Variants in ADD3 observed in about 807,000 individuals in gnomAD.
The protein encoded by ADD3 is gamma-adducin.
A neutral mutation model predicts 80.2 loss-of-function variants in ADD3; 25 were observed. The observed-to-expected ratio is 0.31, with a 90% CI of 0.23 to 0.44. The LOEUF (loss-of-function observed/expected upper bound fraction) is 0.44, where lower values mean the gene tolerates loss of function less well. Among genes scored for constraint, ADD3 ranks in the 20% least tolerant of loss-of-function variants. The pLI is 1.00. For synonymous variants in ADD3, 284 were observed against 289.6 expected (o/e 0.98, Z 0.20); for missense variants, 829 against 847.5 (o/e 0.98, Z 0.27).
chr10:110,035,096 A>C (rs1032851455), intron 1 of ADD3, among the ~76,000 whole-genome samples: 7 of 152,252 alleles, frequency 4.6e-5, no homozygotes, highest in Non-Finnish European at 7.3e-5. Context: ...TAAAAATGGC[A>C]TGTTTAATGC....
In ADD3 at chr10:110,119,477, C is replaced by T. The variant is rs1851187187; in HGVS notation, c.873C>T (p.Leu291=). The T allele has an allele frequency of 1.9e-6, 3 of 1,614,108 alleles. No individual in the cohort carries two copies. The East Asian group carries it at 6.7e-5, about 36-fold the overall frequency. The change falls in exon 8 of 15, where the codon CTC becomes CTT. Residue 291 remains leucine, a synonymous_variant. Transcript: ENST00000356080. ...GCATTCTATTTTAGGTGCTGGTACT[C>T]AGGAATCATGGTGTGGTTGCACTTG... ...VLGPSCKVLV[L]RNHGVVALGE...
At chr10:110,034,974 C>T (rs749345251) in intron 1 of ADD3, among the ~76,000 whole-genome samples, 1 of 152,196 alleles carries the variant, frequency 6.6e-6, no homozygotes, top group South Asian at 2.1e-4. Flanking sequence ...ATGTAACCTA[C>T]TAGAAAAATA....
intron 1 of ADD3, among the ~76,000 whole-genome samples, chr10:110,039,623 C>G (rs1316043342): frequency 6.6e-6 from 1 of 152,196 alleles, no homozygotes; most frequent in Non-Finnish European, 1.5e-5. Context: ...TGCTACATAA[C>G]AAATTACCCC....
At chr10:110,020,393 A>C (rs550642141) in intron 1 of ADD3, among the ~76,000 whole-genome samples, 3 of 152,176 alleles carry the variant, frequency 2.0e-5, no homozygotes, top group Non-Finnish European at 4.4e-5. Flanking sequence ...GTTTGGGCGT[A>C]ATTGCAGACC....
chr10:110,122,013 G>T (rs770263310), intron 8 of ADD3, 97 bp from the exon 9 acceptor site: 123 of 1,072,190 alleles, frequency 1.1e-4, no homozygotes, highest in Non-Finnish European at 1.6e-4. Context: ...AAGTATTATA[G>T]ATATTTGCCA....
At chr10:110,059,704 G>A (rs1190748326) in intron 1 of ADD3, among the ~76,000 whole-genome samples, 1 of 152,180 alleles carries the variant, frequency 6.6e-6, no homozygotes, top group Non-Finnish European at 1.5e-5. Flanking sequence ...AGGAGGCGGA[G>A]GTTGCAGTGA....
intron 1 of ADD3, among the ~76,000 whole-genome samples, chr10:110,071,474 A>G (rs1305601725): frequency 6.6e-6 from 1 of 152,214 alleles, no homozygotes; most frequent in African/African-American, 2.4e-5. Context: ...TGTCATGAAT[A>G]TTTCGTATAT....
rs552385778 is a variant in ADD3 at position 110,048,112 on chromosome 10, A to T, written c.-30+39813A>T. Among the ~76,000 whole-genome samples the T allele has an allele frequency of 2.0e-5, 3 of 152,220 alleles. No homozygotes were observed. The South Asian group carries it at 6.2e-4, about 32-fold the overall frequency. ...CATCCTGTTCTTGTGGTTGTCCTTA[A>T]GTCTCACGAGATGTGATGATTTTAT... On this transcript the variant is annotated intron_variant, in intron 1 of 14. Transcript: ENST00000356080.
At chr10:110,090,365 A>T (rs1435071937) in intron 1 of ADD3, among the ~76,000 whole-genome samples, 1 of 151,922 alleles carries the variant, frequency 6.6e-6, no homozygotes, top group Non-Finnish European at 1.5e-5. Flanking sequence ...GACTATAGGC[A>T]TGTATCACCA....
chr10:110,110,525 G>C (rs1000724718), intron 2 of ADD3, among the ~76,000 whole-genome samples: 1 of 152,098 alleles, frequency 6.6e-6, no homozygotes, highest in Non-Finnish European at 1.5e-5. Context: ...TTATGGTTGA[G>C]CACCCAAGAT....
chr10:110,063,724 A>G (rs1166969677), intron 1 of ADD3, among the ~76,000 whole-genome samples: 14 of 120,636 alleles, frequency 1.2e-4, no homozygotes, highest in African/African-American at 4.2e-4. Context: ...ATGAATATGA[A>G]TATATATATT....
chr10:110,023,532 A>G (rs973002328), intron 1 of ADD3, among the ~76,000 whole-genome samples: 8 of 152,218 alleles, frequency 5.3e-5, no homozygotes, highest in Admixed American at 4.6e-4. Context: ...GGCTGAAGAA[A>G]TATATAGTCA....
chr10:110,003,302 G>GGGGGGGGGGTGTGGGTGTGTGTGTGTGT (rs140966434), upstream of ADD3, among the ~76,000 whole-genome samples: 1 of 146,942 alleles, frequency 6.8e-6, no homozygotes, highest in African/African-American at 2.6e-5. Flanking sequence ...GAACAGTAAG[G>GGGGGGGGGGTGTGGGTGTGTGTGTGTGT]GTGTGTGTGT....
chr10:110,128,611 G>GT (rs1241577784), intron 12 of ADD3, among the ~76,000 whole-genome samples: 2 of 151,992 alleles, frequency 1.3e-5, no homozygotes, highest in Non-Finnish European at 2.9e-5. Context: ...TAGAGACAGG[G>GT]TTTCACCGCG....
chr10:110,007,501 G>C (rs916561009), upstream of ADD3, among the ~76,000 whole-genome samples: 1 of 152,226 alleles, frequency 6.6e-6, no homozygotes, highest in South Asian at 2.1e-4. Flanking sequence ...CGCTCATTTA[G>C]GGCGGGAGAC....
At chr10:109,999,885 T>C (rs1304172076) in intron 1 of ADD3, among the ~76,000 whole-genome samples, 1 of 151,874 alleles carries the variant, frequency 6.6e-6, no homozygotes, top group Non-Finnish European at 1.5e-5. Flanking sequence ...ATTTCCCAGC[T>C]AGATGTTGAG....
At chr10:110,059,662 G>A (rs189428596) in intron 1 of ADD3, among the ~76,000 whole-genome samples, 3 of 151,306 alleles carry the variant, frequency 2.0e-5, no homozygotes, top group Admixed American at 1.3e-4. Flanking sequence ...CCAGCTACTC[G>A]GGAGGCTGAG....
At chr10:110,007,260 A>G (rs1851714266), upstream of ADD3, among the ~76,000 whole-genome samples, 1 of 152,166 alleles carries the variant, frequency 6.6e-6, no homozygotes, top group African/African-American at 2.4e-5. Flanking sequence ...CGAGGGGTCC[A>G]AATGAAGCAG....
chr10:110,023,157 T>G (rs1245163749), intron 1 of ADD3, among the ~76,000 whole-genome samples: 1 of 152,056 alleles, frequency 6.6e-6, no homozygotes, highest in Admixed American at 6.6e-5. Flanking sequence ...GCTTTGAGAT[T>G]TGAAAGAGAA....
Sources: allele counts gnomAD v4.1 joint callset (sites outside exome capture counted in the v4.1 genomes callset), GRCh38; gene constraint gnomAD v4.1.1; transcripts MANE v1.5; gene names NCBI Gene and HGNC (gene_info 2026-07-23, HGNC 2026-07-21).